The following MORC2 variants were observed in gnomAD, a reference collection of about 807,000 sequenced individuals.
The protein encoded by MORC2 is ATPase MORC2.
MORC2 carries 30 observed loss-of-function variants against 136.0 expected under a neutral mutation model. The observed-to-expected ratio is 0.22, with a 90% CI of 0.17 to 0.30. The LOEUF (loss-of-function observed/expected upper bound fraction) is 0.30. Among genes scored for constraint, MORC2 ranks in the 10% least tolerant of loss-of-function variants. The pLI is 1.00. For synonymous variants in MORC2, 439 were observed against 487.0 expected (o/e 0.90, Z 1.30); for missense variants, 922 against 1,333.1 (o/e 0.69, Z 4.80).
chr22:30,927,938 G>C, intron 25 of MORC2, 81 bp downstream of exon 25: 2 of 1,524,190 alleles, frequency 1.3e-6, no homozygotes, highest in East Asian at 2.3e-5. Flanking sequence ...ATAGATTCTT[G>C]TGAGAACAGG....
chr22:30,938,959 A>AC (rs1481763750), intron 12 of MORC2, among the ~76,000 whole-genome samples: 1 of 152,226 alleles, frequency 6.6e-6, no homozygotes, highest in African/African-American at 2.4e-5. Context: ...ACAAAAACTT[A>AC]GAGCTGAAAA....
intron 10 of MORC2, 84 bp from the exon 11 acceptor site, chr22:30,940,125 G>T (rs763788739): frequency 4.4e-6 from 6 of 1,353,390 alleles, no homozygotes; most frequent in Non-Finnish European, 6.2e-6. Context: ...TACTGGACAC[G>T]AAGTGTGTAC....
chr22:30,954,232 T>G (rs1004939951), intron 3 of MORC2, among the ~76,000 whole-genome samples: 1 of 151,748 alleles, frequency 6.6e-6, no homozygotes, highest in Non-Finnish European at 1.5e-5. Flanking sequence ...GAGGTGGAGG[T>G]TGCAGTGAGC....
chr22:30,952,094 T>A lies in MORC2; in HGVS notation c.158-1649A>T, dbSNP rs76685100. ...TCTCTCCTGGTGGCAGTGCCTCTAA[T>A]CAGAGTCTGGGGAATCCAAATGAGA... On this transcript the variant is annotated intron_variant, in intron 3 of 25. Transcript: ENST00000397641. Among the ~76,000 whole-genome samples the A allele has an allele frequency of 5.2e-3, 796 of 152,260 alleles. 1 individual carries two copies. The highest frequency in any genetic ancestry group is 8.5e-3 in the Non-Finnish European group (581 of 68,016).
intron 6 of MORC2, among the ~76,000 whole-genome samples, chr22:30,945,621 C>A (rs1407280681): frequency 6.6e-6 from 1 of 152,184 alleles, no homozygotes; most frequent in Admixed American, 6.5e-5. Context: ...TAGACCTCAC[C>A]AGAAACAGCT....
rs533380246 is a variant in MORC2, at chr22:30,937,250, C to A, written c.1499-213G>T. Among the ~76,000 whole-genome samples, 9 of 152,312 alleles carry A rather than the reference C, an allele frequency of 5.9e-5. No individual in the cohort carries two copies. In the South Asian group the frequency reaches 1.9e-3, roughly 32 times the overall value. Reference sequence around the variant, plus strand: ...GAAACTTAATATGCTGGACTCTTAACACCCCCAGCCCCTCTCCCTTTTTTA... The same window carrying A: ...GAAACTTAATATGCTGGACTCTTAAAACCCCCAGCCCCTCTCCCTTTTTTA... On this transcript the variant is annotated intron_variant, in intron 15 of 25. Transcript: ENST00000397641. This position sits in a 1 kb window ranked among gnomAD's most constrained non-coding sequence, Gnocchi z 4.7.
chr22:30,967,389 T>C (rs2041144231), intron 1 of MORC2: 12 of 987,002 alleles, frequency 1.2e-5, no homozygotes, highest in South Asian at 4.7e-5. Flanking sequence ...AAAGTTGTCA[T>C]TTAAATGTCT....
At chr22:30,940,187 G>A in intron 10 of MORC2, 146 bp from the exon 11 acceptor site, 1 of 778,472 alleles carries the variant, frequency 1.3e-6, no homozygotes, top group Non-Finnish European at 2.1e-6. Flanking sequence ...AGCAATGTGA[G>A]GGCAGCCTCT....
Position 30,968,722 on chromosome 22 carries a change from G to C in MORC2, c.-833C>G, listed in dbSNP as rs991708458. On this transcript the variant is annotated 5_prime_UTR_variant, in exon 1 of 26. Coordinates refer to ENST00000397641, the MANE Select transcript of MORC2 (RefSeq NM_001303256.3). Reference sequence around the variant, plus strand: ...ACTCCCGGCTTCCAAGGACCGGATCGAGGGCAGTGGCGAGCGCACCACCTG... The same window carrying C: ...ACTCCCGGCTTCCAAGGACCGGATCCAGGGCAGTGGCGAGCGCACCACCTG... Among the ~76,000 whole-genome samples the C allele has an allele frequency of 1.3e-5, 2 of 152,186 alleles. No homozygotes were observed. The highest frequency in any genetic ancestry group is 2.1e-4 in the South Asian group (1 of 4,816).
At chr22:30,950,544 A>C in intron 3 of MORC2, 99 bp from the exon 4 acceptor site, 2 of 1,239,420 alleles carry the variant, frequency 1.6e-6, no homozygotes, top group Non-Finnish European at 2.3e-6. Context: ...TTGGTCCAAA[A>C]AGGTCAGGTC....
Position 30,968,100 on chromosome 22 carries a change from T to G in MORC2, c.-211A>C. On this transcript the variant is annotated 5_prime_UTR_variant, in exon 1 of 26. Transcript: ENST00000397641. ...GTTTTTTTTTAATCTTCTCAATGATTTATGATGTAATATTTTGGAAGGAAC... is the reference window on the plus strand; with the variant it reads ...GTTTTTTTTTAATCTTCTCAATGATGTATGATGTAATATTTTGGAAGGAAC... The G allele has an allele frequency of 1.8e-6, 1 of 544,112 alleles. No homozygotes were observed. Among genetic ancestry groups the G allele is most frequent in the Non-Finnish European group, 3.3e-6 (1 of 305,256 alleles). 33.7% of individuals were successfully genotyped at this position (544,112 alleles called of 1,614,324 possible).
intron 6 of MORC2, among the ~76,000 whole-genome samples, chr22:30,943,433 T>A (rs2147269519): frequency 6.6e-6 from 1 of 152,342 alleles, no homozygotes; most frequent in East Asian, 1.9e-4. Context: ...AATATTTCAA[T>A]ACACTCTTCC....
In MORC2 at chr22:30,935,341, G is replaced by C; in HGVS notation, c.1738-19C>G. 4 of 1,609,922 alleles carry C rather than the reference G, an allele frequency of 2.5e-6. No homozygotes were observed. The highest frequency in any genetic ancestry group is 2.5e-6 in the Non-Finnish European group (3 of 1,177,230). Reference sequence around the variant, plus strand: ...TGGTTTTCTGCAAGGCAAACATCATGATGAAGTTGTTTGCATATTTTAGTA... The same window carrying C: ...TGGTTTTCTGCAAGGCAAACATCATCATGAAGTTGTTTGCATATTTTAGTA... On this transcript the variant is annotated intron_variant, in intron 17 of 25. Coordinates refer to ENST00000397641, the MANE Select transcript of MORC2 (RefSeq NM_001303256.3).
At chr22:30,943,816 A>G (rs1023581940) in intron 6 of MORC2, among the ~76,000 whole-genome samples, 12 of 151,964 alleles carry the variant, frequency 7.9e-5, no homozygotes, top group African/African-American at 2.9e-4. Flanking sequence ...GCTCAATGCA[A>G]CCTCCACCAA....
At chr22:30,957,097 T>C (rs538349763) in intron 2 of MORC2, among the ~76,000 whole-genome samples, 2 of 152,324 alleles carry the variant, frequency 1.3e-5, no homozygotes, top group Admixed American at 1.3e-4. Flanking sequence ...GCAAGAATAT[T>C]TCCCTTTATA....
chr22:30,954,241 G>C (rs1483920486), intron 3 of MORC2, among the ~76,000 whole-genome samples: 1 of 152,090 alleles, frequency 6.6e-6, no homozygotes, highest in Non-Finnish European at 1.5e-5. Flanking sequence ...GTTGCAGTGA[G>C]CCTAGATAGC....
chr22:30,955,603 A>G (rs1400030050), intron 3 of MORC2, among the ~76,000 whole-genome samples: 1 of 152,210 alleles, frequency 6.6e-6, no homozygotes, highest in Non-Finnish European at 1.5e-5. Context: ...GTAAACATAC[A>G]GACTTCTCAG....
rs1449951083 is a variant in MORC2, at chr22:30,937,230, T to A, written c.1499-193A>T. Among the ~76,000 whole-genome samples, 1 of 152,132 alleles carries A rather than the reference T, an allele frequency of 6.6e-6. No homozygotes were observed. The highest frequency in any genetic ancestry group is 1.5e-5 in the Non-Finnish European group (1 of 68,028). On this transcript the variant is annotated intron_variant, in intron 15 of 25. Coordinates refer to ENST00000397641, the MANE Select transcript of MORC2 (RefSeq NM_001303256.3). The surrounding 1 kb of genome is among the most constrained non-coding windows in gnomAD (Gnocchi z 4.7). ...CACTGATTCCAGGAAGGATGGAAAC[T>A]TAATATGCTGGACTCTTAACACCCC... is the stretch of plus-strand genomic sequence containing the variant.
rs2040620608 is a variant in MORC2 at position 30,934,248 on chromosome 22, GA to G, written c.2194-58del. ...GCCCTGTTCAGCCTCTAAGGAGCAG[GA>G]AGATTTCATCTAGCCTAAAGGAGTC... On this transcript the variant is annotated intron_variant, in intron 19 of 25. Transcript: ENST00000397641. This position sits in a 1 kb window ranked among gnomAD's most constrained non-coding sequence, Gnocchi z 4.4. The G allele has an allele frequency of 1.2e-6, 2 of 1,609,536 alleles. No individual in the cohort carries two copies. The highest frequency in any genetic ancestry group is 2.7e-5 in the African/African-American group (2 of 74,808).
Sources: gnomAD v4.1 joint callset for allele counts (sites outside exome capture counted in the v4.1 genomes callset) on GRCh38, gnomAD v4.1.1 for gene constraint, Gnocchi (gnomAD v3.1) non-coding constraint, MANE v1.5 for transcripts, NCBI Gene and HGNC (gene_info 2026-07-23, HGNC 2026-07-21) for gene names.